The following ADGRL3 variants were observed in gnomAD, a reference collection of about 807,000 sequenced individuals.
The protein encoded by ADGRL3 is calcium-independent alpha-latrotoxin receptor 3.
In ADGRL3, 62 loss-of-function variants were observed where a neutral mutation model predicts 153.5. The ratio of observed to expected loss-of-function variants is 0.40; its 90% CI spans 0.33 to 0.50. ADGRL3 has a LOEUF of 0.50. Ranked by LOEUF, ADGRL3 falls within the 20% of genes least tolerant of loss-of-function variation. The pLI, the probability that ADGRL3 is intolerant of heterozygous loss-of-function variation, is 0.47. For synonymous variants in ADGRL3, 710 were observed against 672.5 expected (o/e 1.06, Z -0.86); for missense variants, 1,641 against 1,859.4 (o/e 0.88, Z 2.16).
chr4:61,224,013 T>C (rs911581032), intron 1 of ADGRL3, among the ~76,000 whole-genome samples: 1 of 152,132 alleles, frequency 6.6e-6, no homozygotes, highest in Non-Finnish European at 1.5e-5. Context: ...TAGAAATTTT[T>C]TGAAATAATT....
In ADGRL3 at chr4:61,587,292, A is replaced by G. The variant is rs897008555; in HGVS notation, c.325A>G (p.Ile109Val). ...RRELSCESYP[I>V]ELRCPGTDVI... ...AGAGCTATCCTGTGAGAGCTATCCT[A>G]TAGAGCTTCGCTGTCCAGGAACAGA... The change falls in exon 5 of 27, where the codon ATA (isoleucine) becomes GTA (valine). Residue 109 changes from isoleucine to valine, a missense_variant. By Grantham distance (29) the Ile-to-Val change is conservative. Around this residue, in one of 5 missense-constraint regions of ADGRL3, gnomAD observed 213 missense variants for 362.1 expected, o/e 0.59. Transcript: ENST00000683033. 7 of 1,611,382 alleles carry G rather than the reference A, an allele frequency of 4.3e-6. No homozygotes were observed. Among genetic ancestry groups the G allele is most frequent in the Non-Finnish European group, 5.9e-6 (7 of 1,178,646 alleles).
chr4:61,700,479 G>A (rs182179713), intron 6 of ADGRL3, among the ~76,000 whole-genome samples: 2 of 152,222 alleles, frequency 1.3e-5, no homozygotes, highest in East Asian at 1.9e-4. Context: ...TCAGGGTACC[G>A]CGGATTCAGG....
chr4:61,697,555 T>TA (rs34106020), intron 6 of ADGRL3, among the ~76,000 whole-genome samples: 136,407 of 142,932 alleles, frequency 0.95, 65,081 homozygotes, highest in East Asian at 0.99. Flanking sequence ...GTGAAACTCC[T>TA]AAAAAAAAAA....
chr4:61,845,679 T>A lies in ADGRL3; in HGVS notation c.1480+31790T>A, dbSNP rs550464783. Among the ~76,000 whole-genome samples, 64 of 152,126 alleles carry A rather than the reference T, an allele frequency of 4.2e-4. No homozygotes were observed. The South Asian group carries it at 0.013, about 31-fold the overall frequency. On this transcript the variant is annotated intron_variant, in intron 9 of 26. Transcript: ENST00000683033. ...CAGCACCCAGCCTCCCTCTCTTTTA[T>A]TAACAATTATATAGTTCTCTACTAA...
intron 2 of ADGRL3, among the ~76,000 whole-genome samples, chr4:61,409,625 T>C (rs777080231): frequency 4.6e-4 from 70 of 151,532 alleles, no homozygotes; most frequent in African/African-American, 1.5e-3. Context: ...GTTTTCGTTA[T>C]AGACAAAGTT....
At chr4:61,603,133 G>T (rs1414144916) in intron 5 of ADGRL3, among the ~76,000 whole-genome samples, 1 of 152,196 alleles carries the variant, frequency 6.6e-6, no homozygotes, top group Non-Finnish European at 1.5e-5. Context: ...TGTCAATATT[G>T]TTGGAAACAT....
At chr4:61,266,131 A>C (rs2092830447) in intron 1 of ADGRL3, among the ~76,000 whole-genome samples, 1 of 151,832 alleles carries the variant, frequency 6.6e-6, no homozygotes, top group African/African-American at 2.4e-5. Context: ...TTATTCTAAC[A>C]ATGATTCCAT....
chr4:61,532,817 A>G (rs1299170513), intron 4 of ADGRL3, among the ~76,000 whole-genome samples: 3 of 151,870 alleles, frequency 2.0e-5, no homozygotes, highest in African/African-American at 7.3e-5. Flanking sequence ...GTAGCATCTC[A>G]GCGGATCAGC....
intron 9 of ADGRL3, among the ~76,000 whole-genome samples, chr4:61,819,546 CTTTATGTATTAATTCCTTTTATAG>C (rs1554039373): frequency 6.6e-6 from 1 of 152,042 alleles, no homozygotes; most frequent in Non-Finnish European, 1.5e-5. Flanking sequence ...GGAATTATTG[CTTTATGTATTAATTCCTTTTATAG>C]TTTATGGACT....
intron 2 of ADGRL3, among the ~76,000 whole-genome samples, chr4:61,467,689 TATG>T (rs2097902339): frequency 6.6e-6 from 1 of 152,190 alleles, no homozygotes; most frequent in South Asian, 2.1e-4. Context: ...CTCATAATTA[TATG>T]ATACCTTATT....
chr4:61,204,066 G>A (rs1053825095), intron 1 of ADGRL3, among the ~76,000 whole-genome samples: 2 of 152,098 alleles, frequency 1.3e-5, no homozygotes, highest in African/African-American at 4.8e-5. Flanking sequence ...GACTGCTTTG[G>A]TGTTTGTTGC....
intron 2 of ADGRL3, among the ~76,000 whole-genome samples, chr4:61,389,505 G>A (rs2096778467): frequency 6.6e-6 from 1 of 152,138 alleles, no homozygotes; most frequent in South Asian, 2.1e-4. Context: ...AGAGCCAGAT[G>A]TTAATTTTCA....
intron 8 of ADGRL3, chr4:61,775,858 G>T: frequency 2.1e-6 from 1 of 478,632 alleles, no homozygotes; most frequent in Non-Finnish European, 3.8e-6. Flanking sequence ...CATGGCGGTG[G>T]GTTACCGGTG....
At chr4:61,631,855 C>T (rs2093186230) in intron 5 of ADGRL3, among the ~76,000 whole-genome samples, 1 of 151,792 alleles carries the variant, frequency 6.6e-6, no homozygotes, top group South Asian at 2.1e-4. Flanking sequence ...TCTTAATCTC[C>T]TGACCTCGTG....
intron 4 of ADGRL3, among the ~76,000 whole-genome samples, chr4:61,539,524 G>C (rs2098677868): frequency 6.6e-6 from 1 of 152,138 alleles, no homozygotes; most frequent in African/African-American, 2.4e-5. Context: ...TGTGCTCTGG[G>C]GTCTTTTTGT....
chr4:61,419,441 A>G (rs2152321192), intron 2 of ADGRL3, among the ~76,000 whole-genome samples: 1 of 150,864 alleles, frequency 6.6e-6, no homozygotes, highest in Admixed American at 6.6e-5. Flanking sequence ...GTGGAAACCC[A>G]CCCTGGACAG....
At chr4:61,243,485 G>A (rs1024931415) in intron 1 of ADGRL3, among the ~76,000 whole-genome samples, 1 of 151,958 alleles carries the variant, frequency 6.6e-6, no homozygotes, top group African/African-American at 2.4e-5. Context: ...GCAATGAAGA[G>A]GTTTTCTAGG....
chr4:61,749,965 T>C (rs1435037467), intron 8 of ADGRL3, among the ~76,000 whole-genome samples: 2 of 151,968 alleles, frequency 1.3e-5, no homozygotes, highest in African/African-American at 4.8e-5. Flanking sequence ...TAGTTGAAAT[T>C]GGATTTAAGT....
chr4:61,374,887 C>T (rs780936587), intron 1 of ADGRL3, among the ~76,000 whole-genome samples: 1 of 151,252 alleles, frequency 6.6e-6, no homozygotes, highest in Non-Finnish European at 1.5e-5. Context: ...TTTTTAATGA[C>T]CAGAGGAATG....
Sources: gnomAD v4.1 joint callset for allele counts (sites outside exome capture counted in the v4.1 genomes callset) on GRCh38, gnomAD v4.1.1 for gene constraint, gnomAD v4.1.1 regional missense constraint, MANE v1.5 for transcripts, NCBI Gene and HGNC (gene_info 2026-07-23, HGNC 2026-07-21) for gene names.